PKP4: variants seen among roughly 807,000 people sequenced by gnomAD.
The protein encoded by PKP4 is plakophilin 4.
A neutral mutation model predicts 145.1 loss-of-function variants in PKP4; 90 were observed. That is an observed-to-expected ratio of 0.62 (90% confidence interval 0.52 to 0.74). The LOEUF is 0.74. Ranked by LOEUF, PKP4 falls within the 30% of genes least tolerant of loss-of-function variation. The probability of loss-of-function intolerance (pLI) is 0.00; values close to 1 mark genes in which losing one functional copy is unlikely to be tolerated. For synonymous variants in PKP4, 563 were observed against 577.2 expected, an observed-to-expected ratio of 0.98 and a Z score of 0.35; for missense variants, 1,340 against 1,482.7, an observed-to-expected ratio of 0.90 and a Z score of 1.58.
chr2:158,678,529 T>A (rs2058211503), intron 20 of PKP4, 52 bp from the exon 21 acceptor site: 3 of 1,305,056 alleles, frequency 2.3e-6, no homozygotes, highest in Non-Finnish European at 3.3e-6. Flanking sequence ...CCCAGCCTAA[T>A]GGACCAGAGT....
At chr2:158,458,897 G>A (rs1689323747) in intron 1 of PKP4, among the ~76,000 whole-genome samples, 1 of 151,656 alleles carries the variant, frequency 6.6e-6, no homozygotes, top group Non-Finnish European at 1.5e-5. Context: ...TTTATTAGTG[G>A]AGGTCTCAGT....
At chr2:158,645,299 A>G (rs2054720035) in intron 11 of PKP4, among the ~76,000 whole-genome samples, 1 of 152,196 alleles carries the variant, frequency 6.6e-6, no homozygotes, top group Non-Finnish European at 1.5e-5. Flanking sequence ...TAGATATAAA[A>G]TGAAAATTAG....
chr2:158,605,438 A>G, intron 4 of PKP4, among the ~76,000 whole-genome samples: 1 of 152,212 alleles, frequency 6.6e-6, no homozygotes, highest in South Asian at 2.1e-4. Context: ...AAGTGACAAG[A>G]ACTATTTTTG....
At chr2:158,478,046 A>G (rs1223682842) in intron 1 of PKP4, among the ~76,000 whole-genome samples, 2 of 152,150 alleles carry the variant, frequency 1.3e-5, no homozygotes, top group African/African-American at 4.8e-5. Flanking sequence ...AAATGTTTTC[A>G]GTGTCCTAAA....
chr2:158,485,058 A>G (rs1693971158), intron 1 of PKP4, among the ~76,000 whole-genome samples: 2 of 152,294 alleles, frequency 1.3e-5, no homozygotes, highest in South Asian at 2.1e-4. Flanking sequence ...TCCTACCTGA[A>G]TGACTTAACT....
intron 4 of PKP4, among the ~76,000 whole-genome samples, chr2:158,617,307 G>A (rs2051733729): frequency 1.3e-5 from 2 of 151,972 alleles, no homozygotes; most frequent in Non-Finnish European, 2.9e-5. Flanking sequence ...TGGTGTCCCA[G>A]AAAACATGTT....
intron 4 of PKP4, among the ~76,000 whole-genome samples, chr2:158,604,433 T>C (rs1259030547): frequency 6.6e-6 from 1 of 152,180 alleles, no homozygotes; most frequent in East Asian, 1.9e-4. Context: ...TGTCATATTA[T>C]TTAAACATTT....
rs1004260399 is a variant in PKP4 at position 158,526,831 on chromosome 2, T to A, written c.-5-6349T>A. Among the ~76,000 whole-genome samples, 2 of 74,382 alleles carry A rather than the reference T, an allele frequency of 2.7e-5. 1 individual carries two copies. 48.8% of individuals were successfully genotyped at this position (74,382 alleles called of 152,430 possible). ...TTTACAAAAATCACAAGCATTCTTA[T>A]ACGCCAACAACAGACAAACAGAGAG... On this transcript the variant is annotated intron_variant, in intron 1 of 21. Coordinates refer to ENST00000389759, the MANE Select transcript of PKP4 (RefSeq NM_003628.6).
intron 1 of PKP4, among the ~76,000 whole-genome samples, chr2:158,489,916 G>A (rs1000925627): frequency 3.9e-5 from 6 of 152,012 alleles, no homozygotes; most frequent in African/African-American, 1.5e-4. Context: ...CAAAACCCAG[G>A]CACAGCCAGT....
intron 2 of PKP4, among the ~76,000 whole-genome samples, chr2:158,560,629 A>G (rs2046435972): frequency 6.6e-6 from 1 of 152,156 alleles, no homozygotes; most frequent in Non-Finnish European, 1.5e-5. Flanking sequence ...ATATTTCCAA[A>G]TTTTTGGCAA....
chr2:158,668,000 G>C (rs142652179), intron 16 of PKP4, among the ~76,000 whole-genome samples: 76 of 152,230 alleles, frequency 5.0e-4, no homozygotes, highest in African/African-American at 1.7e-3. Context: ...ATTTCACAAC[G>C]CAAAGACACA....
At chr2:158,459,826 A>G (rs1689491596) in intron 1 of PKP4, among the ~76,000 whole-genome samples, 1 of 152,102 alleles carries the variant, frequency 6.6e-6, no homozygotes, top group Admixed American at 6.6e-5. Flanking sequence ...ACACACACAC[A>G]CGATTGGCTG....
Position 158,529,217 on chromosome 2 carries a change from A to G in PKP4, c.-5-3963A>G, listed in dbSNP as rs116716203. 4.8e-3 allele frequency among the ~76,000 whole-genome samples: 733 copies of G among 152,352 alleles called. 1 individual carries two copies. The highest frequency in any genetic ancestry group is 0.016 in the African/African-American group (670 of 41,580). On this transcript the variant is annotated intron_variant, in intron 1 of 21. Transcript: ENST00000389759. ...TAATTTTGATTCCAAATATAAAGACAGTAATAATACAGGTTAATACACATT... is the reference window on the plus strand; with the variant it reads ...TAATTTTGATTCCAAATATAAAGACGGTAATAATACAGGTTAATACACATT...
rs138963350 is a variant in PKP4 at position 158,646,914 on chromosome 2, T to C, written c.1909+4215T>C. Among the ~76,000 whole-genome samples, 422 of 152,210 alleles carry C rather than the reference T, an allele frequency of 2.8e-3. 1 individual carries two copies. Among genetic ancestry groups the C allele is most frequent in the Admixed American group, 6.2e-3 (95 of 15,284 alleles). On this transcript the variant is annotated intron_variant, in intron 11 of 21. Transcript: ENST00000389759. ...GAAAGCAGCAAGAAGTTATCTGATA[T>C]AACTTGAAAAGGCAAAAAATACAGA...
At chr2:158,666,388 C>A (rs764136456) in intron 15 of PKP4, 25 bp from the exon 16 acceptor site, 1 of 1,550,910 alleles carries the variant, frequency 6.4e-7, no homozygotes, top group Non-Finnish European at 8.7e-7. Flanking sequence ...TTTTATGTTA[C>A]TTCCTGCCTT....
intron 2 of PKP4, among the ~76,000 whole-genome samples, chr2:158,554,717 G>T (rs971033524): frequency 1.3e-5 from 2 of 152,250 alleles, no homozygotes; most frequent in African/African-American, 4.8e-5. Context: ...GAGCCACTGC[G>T]CCCTGCCAGA....
intron 4 of PKP4, among the ~76,000 whole-genome samples, chr2:158,617,560 CAG>C (rs1196869345): frequency 2.6e-5 from 4 of 152,122 alleles, no homozygotes; most frequent in African/African-American, 9.7e-5. Context: ...TTCCACATAG[CAG>C]AGGTTTTTAA....
At position 158,470,326 on chromosome 2, in the gene PKP4, G is replaced by A. The variant is rs539101502; in HGVS notation, c.-6+13108G>A. On this transcript the variant is annotated intron_variant, in intron 1 of 21. Coordinates refer to ENST00000389759, the MANE Select transcript of PKP4 (RefSeq NM_003628.6). ...CCCAGCGACCTACCATATAAGGCCC[G>A]TTACAGTCAAACCTTAATTACTCTC... Among the ~76,000 whole-genome samples the A allele has an allele frequency of 2.1e-4, 32 of 152,186 alleles. No homozygotes were observed. In the South Asian group the frequency reaches 6.0e-3, roughly 29 times the overall value.
At chr2:158,574,025 A>G (rs924629934) in intron 2 of PKP4, among the ~76,000 whole-genome samples, 1 of 152,240 alleles carries the variant, frequency 6.6e-6, no homozygotes, top group Admixed American at 6.5e-5. Context: ...CTGTCTACCA[A>G]ATATGGCTCA....
Sources: allele counts gnomAD v4.1 joint callset (sites outside exome capture counted in the v4.1 genomes callset), GRCh38; gene constraint gnomAD v4.1.1; transcripts MANE v1.5; gene names NCBI Gene and HGNC (gene_info 2026-07-23, HGNC 2026-07-21).